Variants in CAPN13 observed in about 807,000 individuals in gnomAD.
The protein encoded by CAPN13 is calpain-13.
CAPN13 carries 90 observed loss-of-function variants against 98.4 expected under a neutral mutation model. The observed-to-expected ratio is 0.92, with a 90% confidence interval of 0.77 to 1.09. The LOEUF is 1.09. Among genes scored for constraint, CAPN13 ranks in the 50% least tolerant of loss-of-function variants. The pLI, the probability that CAPN13 is intolerant of heterozygous loss-of-function variation, is 0.00. For synonymous variants in CAPN13, 330 were observed against 305.5 expected (o/e 1.08, Z -0.84); for missense variants, 887 against 841.3 (o/e 1.05, Z -0.67).
intron 8 of CAPN13, 30 bp downstream of exon 8, chr2:30,758,016 A>C: frequency 6.4e-7 from 1 of 1,550,444 alleles, no homozygotes; most frequent in Non-Finnish European, 8.7e-7. Flanking sequence ...CGCTCTGTGA[A>C]GGATGGAGAG....
At chr2:30,732,172 G>C (rs1168769392) in intron 20 of CAPN13, among the ~76,000 whole-genome samples, 1 of 152,146 alleles carries the variant, frequency 6.6e-6, no homozygotes, top group Non-Finnish European at 1.5e-5. Flanking sequence ...CTGGAGACGG[G>C]GACAGCGTTA....
intron 17 of CAPN13, 86 bp downstream of exon 17, chr2:30,738,149 T>G: frequency 7.0e-7 from 1 of 1,426,754 alleles, no homozygotes; most frequent in South Asian, 1.2e-5. Flanking sequence ...GGGAAAAGGG[T>G]TCCCTACTGT....
At chr2:30,772,972 T>C (rs551495521) in intron 4 of CAPN13, among the ~76,000 whole-genome samples, 11 of 152,128 alleles carry the variant, frequency 7.2e-5, no homozygotes, top group Non-Finnish European at 1.5e-4. Flanking sequence ...ATTACAGGCA[T>C]GCGCCACCAC....
intron 8 of CAPN13, among the ~76,000 whole-genome samples, chr2:30,755,804 T>C (rs1218344385): frequency 1.3e-5 from 2 of 152,198 alleles, no homozygotes; most frequent in African/African-American, 4.8e-5. Flanking sequence ...AATTAAGTGA[T>C]AATTACATTT....
chr2:30,767,169 G>A (rs1247010247), intron 5 of CAPN13, among the ~76,000 whole-genome samples: 1 of 152,210 alleles, frequency 6.6e-6, no homozygotes, highest in Non-Finnish European at 1.5e-5. Flanking sequence ...TCACCTCGCT[G>A]AGCCTCAGTT....
intron 18 of CAPN13, among the ~76,000 whole-genome samples, 185 bp downstream of exon 18, chr2:30,736,318 G>C (rs1671362415): frequency 6.6e-6 from 1 of 152,140 alleles, no homozygotes; most frequent in African/African-American, 2.4e-5. Context: ...ACCTAATTAG[G>C]CATTGCCTTG....
At chr2:30,756,250 T>G (rs1447325861) in intron 8 of CAPN13, among the ~76,000 whole-genome samples, 1 of 152,142 alleles carries the variant, frequency 6.6e-6, no homozygotes, top group Non-Finnish European at 1.5e-5. Flanking sequence ...TCTCCCAGTT[T>G]CCTCTGCCTC....
intron 6 of CAPN13, 79 bp from the exon 7 acceptor site, chr2:30,763,235 C>A: frequency 7.7e-7 from 1 of 1,303,798 alleles, no homozygotes; most frequent in South Asian, 1.3e-5. Flanking sequence ...TCCAAACAGC[C>A]ACTGAGCCAT....
At chr2:30,767,064 C>T (rs1331160931) in intron 5 of CAPN13, among the ~76,000 whole-genome samples, 3 of 152,198 alleles carry the variant, frequency 2.0e-5, no homozygotes, top group Non-Finnish European at 4.4e-5. Flanking sequence ...GTAGGACTGA[C>T]AGCGTCAGGG....
chr2:30,742,043 C>A (rs1671690001), intron 14 of CAPN13, 79 bp from the exon 15 acceptor site: 4 of 1,305,562 alleles, frequency 3.1e-6, no homozygotes, highest in East Asian at 2.3e-5. Flanking sequence ...GGTGCAACAA[C>A]CCCTGCCAAG....
At chr2:30,739,736 G>C (rs1671557838) in intron 15 of CAPN13, among the ~76,000 whole-genome samples, 1 of 152,150 alleles carries the variant, frequency 6.6e-6, no homozygotes, top group Admixed American at 6.5e-5. Context: ...CCCATGTGAG[G>C]ACAGAGCCTG....
rs1381873225 is a variant in CAPN13 at position 30,801,622 on chromosome 2, A to T, written c.-33+5680T>A. On this transcript the variant is annotated intron_variant, in intron 1 of 22. Transcript: ENST00000295055. ...TCAGTCTTAAAAAAAAAAAAAAAAA[A>T]AAAAAGAAGAAGAAGAAGAAAAAGA... Among the ~76,000 whole-genome samples the T allele has an allele frequency of 1.9e-3, 271 of 142,238 alleles. 1 individual carries two copies. The highest frequency in any genetic ancestry group is 2.4e-3 in the Non-Finnish European group (163 of 67,662). 93.3% of individuals were successfully genotyped at this position (142,238 alleles called of 152,430 possible).
intron 1 of CAPN13, among the ~76,000 whole-genome samples, chr2:30,800,136 G>GAAAGAAAAGAAAGAAAAGAAAGA (rs1558351516): frequency 2.1e-4 from 30 of 144,536 alleles, no homozygotes; most frequent in African/African-American, 7.9e-4. Context: ...AAGAAAGAAA[G>GAAAGAAAAGAAAGAAAAGAAAGA]AAAGAAAGAA....
intron 5 of CAPN13, among the ~76,000 whole-genome samples, chr2:30,768,364 CT>C (rs1360704049): frequency 6.6e-6 from 1 of 152,182 alleles, no homozygotes; most frequent in African/African-American, 2.4e-5. Context: ...AGTGGGGGTC[CT>C]GAGAAATGTG....
chr2:30,723,367 C>T (rs1670755664), intron 22 of CAPN13, 131 bp from the exon 23 acceptor site: 1 of 152,284 alleles, frequency 6.6e-6, no homozygotes, highest in South Asian at 2.1e-4. Context: ...GTAAAGGAAG[C>T]ACTGGCACTT....
rs2148049722 is a variant in CAPN13 at position 30,776,059 on chromosome 2, T to A, written c.272-14A>T. 6.3e-7 allele frequency: 1 copy of A among 1,586,020 alleles called. No individual in the cohort carries two copies. The highest frequency in any genetic ancestry group is 8.6e-7 in the Non-Finnish European group (1 of 1,159,818). On this transcript the variant is annotated splice_polypyrimidine_tract_variant and intron_variant, in intron 3 of 22. Coordinates refer to ENST00000295055, the MANE Select transcript of CAPN13 (RefSeq NM_144575.3). Reference sequence around the variant, plus strand: ...ACCAGCAGTCAGCTGTGAGGGGAGATAAGCCAGGAAAGGCTGATTGGACAC... The same window carrying A: ...ACCAGCAGTCAGCTGTGAGGGGAGAAAAGCCAGGAAAGGCTGATTGGACAC...
At chr2:30,798,889 A>G (rs1270945776) in intron 1 of CAPN13, among the ~76,000 whole-genome samples, 1 of 152,168 alleles carries the variant, frequency 6.6e-6, no homozygotes, top group African/African-American at 2.4e-5. Context: ...GACAAGGAAC[A>G]AGGAAGGGTG....
At chr2:30,779,126 G>A (rs754688818) in intron 2 of CAPN13, among the ~76,000 whole-genome samples, 1 of 152,190 alleles carries the variant, frequency 6.6e-6, no homozygotes, top group Non-Finnish European at 1.5e-5. Context: ...TTTCAGACCA[G>A]GAACAAAAAT....
intron 1 of CAPN13, among the ~76,000 whole-genome samples, chr2:30,791,674 A>G (rs1004226036): frequency 1.3e-5 from 2 of 152,238 alleles, no homozygotes; most frequent in Non-Finnish European, 2.9e-5. Context: ...CATAAGAGTT[A>G]AGTGACTTCA....
Sources: gnomAD v4.1 joint callset for allele counts (sites outside exome capture counted in the v4.1 genomes callset) on GRCh38, gnomAD v4.1.1 for gene constraint, MANE v1.5 for transcripts, NCBI Gene and HGNC (gene_info 2026-07-23, HGNC 2026-07-21) for gene names.